PTPN11: variants seen among roughly 807,000 people sequenced by gnomAD.
PTPN11 encodes the protein protein tyrosine phosphatase non-receptor type 11.
Under a neutral mutation model 78.8 loss-of-function variants are expected in PTPN11, and 6 were observed. The ratio of observed to expected loss-of-function variants is 0.08; its 90% CI spans 0.04 to 0.15. The LOEUF (loss-of-function observed/expected upper bound fraction) is 0.15, where lower values mean the gene tolerates loss of function less well. Ranked by LOEUF, PTPN11 falls within the 10% of genes least tolerant of loss-of-function variation. The pLI, the probability that PTPN11 is intolerant of heterozygous loss-of-function variation, is 1.00. For synonymous variants in PTPN11, 221 were observed against 263.5 expected, an observed-to-expected ratio of 0.84 and a Z score of 1.56; for missense variants, 386 against 744.8, an observed-to-expected ratio of 0.52 and a Z score of 5.61.
At chr12:112,499,706 T>G (rs1351842486) in intron 13 of PTPN11, among the ~76,000 whole-genome samples, 1 of 152,004 alleles carries the variant, frequency 6.6e-6, no homozygotes, top group African/African-American at 2.4e-5. Flanking sequence ...ACCCAGCACT[T>G]TGGGAGGCTG....
chr12:112,495,904 C>G (rs954581687), intron 13 of PTPN11, among the ~76,000 whole-genome samples: 1 of 152,090 alleles, frequency 6.6e-6, no homozygotes, highest in Non-Finnish European at 1.5e-5. Flanking sequence ...AACCATAAGG[C>G]AAACCATCAT....
At chr12:112,470,447 C>G (rs1225197113) in intron 6 of PTPN11, among the ~76,000 whole-genome samples, 1 of 152,226 alleles carries the variant, frequency 6.6e-6, no homozygotes, top group Non-Finnish European at 1.5e-5. Context: ...GAGGCACAGA[C>G]AGGCAAAGTA....
chr12:112,505,104 C>A (rs998047284), intron 15 of PTPN11, among the ~76,000 whole-genome samples: 4 of 152,160 alleles, frequency 2.6e-5, no homozygotes, highest in African/African-American at 9.7e-5. Context: ...AGTTGGTTAG[C>A]CCAGGCTGTG....
chr12:112,457,399 T>G, intron 6 of PTPN11: 1 of 220,282 alleles, frequency 4.5e-6, no homozygotes, highest in Non-Finnish European at 9.3e-6. Context: ...TGCCACATTT[T>G]CTTTATCCGG....
At chr12:112,479,722 C>T (rs1166111717) in intron 9 of PTPN11, among the ~76,000 whole-genome samples, 2 of 152,172 alleles carry the variant, frequency 1.3e-5, no homozygotes, top group Non-Finnish European at 2.9e-5. Context: ...CACCTGTTCT[C>T]AGAAGACATG....
intron 1 of PTPN11, among the ~76,000 whole-genome samples, chr12:112,420,250 A>G (rs187514399): frequency 1.6e-4 from 24 of 152,324 alleles, no homozygotes; most frequent in Admixed American, 1.4e-3. Flanking sequence ...CCCATTGTCT[A>G]TTCTTTTCCA....
intron 1 of PTPN11, among the ~76,000 whole-genome samples, chr12:112,435,815 G>C (rs1047077501): frequency 5.9e-5 from 9 of 152,108 alleles, no homozygotes; most frequent in Non-Finnish European, 1.2e-4. Context: ...ACAATCAGCA[G>C]ATATGATACC....
intron 1 of PTPN11, among the ~76,000 whole-genome samples, chr12:112,428,555 T>C (rs1768145745): frequency 6.6e-6 from 1 of 151,974 alleles, no homozygotes; most frequent in Admixed American, 6.6e-5. Flanking sequence ...TCCTTGCTAG[T>C]GATAAGCAAG....
rs1466597413 is a variant in PTPN11 at position 112,507,503 on chromosome 12, T to C, written c.*1711T>C. 6.5e-6 allele frequency: 1 copy of C among 152,846 alleles called. No individual in the cohort carries two copies. The highest frequency in any genetic ancestry group is 1.5e-5 in the Non-Finnish European group (1 of 68,082). The allele number at this position is 152,846 out of a possible 1,614,324, so 9.5% of individuals were successfully genotyped here. ...CAGCCAGGTTGAATGAGCTCATTTTTGTTGTAGCCAACCAGTAAGATTTGC... is the reference window on the plus strand; with the variant it reads ...CAGCCAGGTTGAATGAGCTCATTTTCGTTGTAGCCAACCAGTAAGATTTGC... On this transcript the variant is annotated 3_prime_UTR_variant, in exon 16 of 16. Transcript: ENST00000351677.
intron 13 of PTPN11, among the ~76,000 whole-genome samples, chr12:112,493,581 G>C (rs1391184503): frequency 1.3e-5 from 2 of 151,610 alleles, no homozygotes; most frequent in African/African-American, 4.8e-5. Flanking sequence ...TAGAGATGGG[G>C]GTTCACCATG....
chr12:112,450,333 C>A lies in PTPN11; in HGVS notation c.153C>A (p.Val51=). 1 of 1,611,106 alleles carries A rather than the reference C, an allele frequency of 6.2e-7. No homozygotes were observed. The highest frequency in any genetic ancestry group is 8.5e-7 in the Non-Finnish European group (1 of 1,177,346). The change falls in exon 3 of 16, where the codon GTC becomes GTA. Residue 51 remains valine, a synonymous_variant. Transcript: ENST00000351677. ...ACTATTTTAGAAGAAATGGAGCTGT[C>A]ACCCACATCAAGATTCAGAACACTG... The part of the protein sequence containing the change: ...FTLSVRRNGA[V]THIKIQNTGD...
At position 112,437,304 on chromosome 12, in the gene PTPN11, C is replaced by T. The variant is rs2037809165; in HGVS notation, c.15-8972C>T. The stretch of plus-strand genomic sequence containing the variant: ...TCCCAAGTAGCTGGGATTACAGGCA[C>T]CTGCCACCGCGCCTGGCTAATTTTT... On this transcript the variant is annotated intron_variant, in intron 1 of 15. Transcript: ENST00000351677. Among the ~76,000 whole-genome samples, 2 of 151,738 alleles carry T rather than the reference C, an allele frequency of 1.3e-5. 1 individual carries two copies.
At chr12:112,501,574 G>A (rs1412555474) in intron 13 of PTPN11, among the ~76,000 whole-genome samples, 3 of 152,152 alleles carry the variant, frequency 2.0e-5, no homozygotes, top group Non-Finnish European at 2.9e-5. Flanking sequence ...GCAGTGAGCC[G>A]AGATCATGCC....
chr12:112,487,460 T>C (rs1253260361), intron 11 of PTPN11, among the ~76,000 whole-genome samples: 2 of 152,156 alleles, frequency 1.3e-5, no homozygotes, highest in Non-Finnish European at 2.9e-5. Context: ...ACCATAAATA[T>C]ATTTCTCCCC....
chr12:112,468,958 AG>A (rs968427789), intron 6 of PTPN11, among the ~76,000 whole-genome samples: 1 of 152,134 alleles, frequency 6.6e-6, no homozygotes, highest in Non-Finnish European at 1.5e-5. Context: ...CAGCCACTCA[AG>A]AGGCTGAGGT....
intron 2 of PTPN11, among the ~76,000 whole-genome samples, chr12:112,449,574 T>A (rs967973703): frequency 6.6e-6 from 1 of 152,148 alleles, no homozygotes; most frequent in African/African-American, 2.4e-5. Context: ...ACACAACAAT[T>A]TTTATAATGC....
At chr12:112,472,201 T>C (rs1466857630) in intron 6 of PTPN11, among the ~76,000 whole-genome samples, 1 of 152,190 alleles carries the variant, frequency 6.6e-6, no homozygotes, top group African/African-American at 2.4e-5. Context: ...TTGCCCAGGC[T>C]GGTCTTGAAC....
At chr12:112,487,234 A>G (rs955561246) in intron 11 of PTPN11, among the ~76,000 whole-genome samples, 3 of 151,270 alleles carry the variant, frequency 2.0e-5, no homozygotes, top group Admixed American at 6.6e-5. Context: ...TCCCGGGTTC[A>G]GGCCATTCTC....
In PTPN11 at chr12:112,509,812, G is replaced by A. The variant is rs750757268; in HGVS notation, c.*4020G>A. On this transcript the variant is annotated 3_prime_UTR_variant, in exon 16 of 16. Coordinates refer to ENST00000351677, the MANE Select transcript of PTPN11 (RefSeq NM_002834.5). Reference sequence around the variant, plus strand: ...CCCACCTATATTTATGGGTGTTAGCGCAACTGCTTTGCTAGTTGCAAAGCT... The same window carrying A: ...CCCACCTATATTTATGGGTGTTAGCACAACTGCTTTGCTAGTTGCAAAGCT... 6.6e-6 allele frequency: 1 copy of A among 152,556 alleles called. No individual in the cohort carries two copies. Among genetic ancestry groups the A allele is most frequent in the Non-Finnish European group, 1.5e-5 (1 of 68,030 alleles). The allele number at this position is 152,556 out of a possible 1,614,324, so 9.5% of individuals were successfully genotyped here.
Sources: allele counts gnomAD v4.1 joint callset (sites outside exome capture counted in the v4.1 genomes callset), GRCh38; gene constraint gnomAD v4.1.1; transcripts MANE v1.5; gene names NCBI Gene and HGNC (gene_info 2026-07-23, HGNC 2026-07-21).